The following OSBPL9 variants were observed in gnomAD, a reference collection of about 807,000 sequenced individuals.
OSBPL9 encodes the protein oxysterol-binding protein-related protein 9.
OSBPL9 carries 40 observed loss-of-function variants against 106.6 expected under a neutral mutation model. The observed-to-expected ratio is 0.38, with a 90% CI of 0.29 to 0.49. OSBPL9 has a LOEUF of 0.49. OSBPL9 is among the 20% of genes least tolerant of loss of function. The pLI, the probability that OSBPL9 is intolerant of heterozygous loss-of-function variation, is 0.97. For missense variants in OSBPL9, 609 were observed against 887.2 expected, an observed-to-expected ratio of 0.69 and a Z score of 3.98; for synonymous variants, 269 against 295.4, an observed-to-expected ratio of 0.91 and a Z score of 0.92.
chr1:51,531,395 AATC>A, the OSBPL9 span, among the ~76,000 whole-genome samples: 1 of 152,230 alleles, frequency 6.6e-6, no homozygotes, highest in Non-Finnish European at 1.5e-5. Context: ...TTATTGCAAT[AATC>A]CAGATATGAT....
chr1:51,764,739 C>T (rs907537437), intron 11 of OSBPL9, among the ~76,000 whole-genome samples: 11 of 152,048 alleles, frequency 7.2e-5, no homozygotes, highest in Non-Finnish European at 1.2e-4. Context: ...GCCACCATGC[C>T]CAGCTAATTT....
intron 4 of OSBPL9, among the ~76,000 whole-genome samples, chr1:51,725,306 T>C (rs1662922366): frequency 6.6e-6 from 1 of 152,198 alleles, no homozygotes; most frequent in South Asian, 2.1e-4. Context: ...TCTGTCTTTC[T>C]GCTTACATTG....
intron 4 of OSBPL9, among the ~76,000 whole-genome samples, chr1:51,735,742 A>G (rs1665535146): frequency 6.6e-6 from 1 of 152,252 alleles, no homozygotes; most frequent in African/African-American, 2.4e-5. Context: ...AAGGTCCAGC[A>G]TAGTATGTGT....
the OSBPL9 span, among the ~76,000 whole-genome samples, chr1:51,560,120 G>C: frequency 6.6e-6 from 1 of 152,216 alleles, no homozygotes; most frequent in Non-Finnish European, 1.5e-5. Flanking sequence ...GCTTCAAATA[G>C]AGGGCGTCTG....
chr1:51,765,947 C>T lies in OSBPL9; in HGVS notation c.904C>T (p.His302Tyr). 6.2e-7 allele frequency: 1 copy of T among 1,613,848 alleles called. No individual in the cohort carries two copies. The highest frequency in any genetic ancestry group is 8.5e-7 in the Non-Finnish European group (1 of 1,179,888). Residue 302 changes from histidine (H) to tyrosine (Y), a missense_variant, in exon 12 of 24, where the codon CAT (histidine) becomes TAT (tyrosine). Coordinates refer to ENST00000428468, the MANE Select transcript of OSBPL9 (RefSeq NM_024586.6). ...TGAATTTTATGATGCTGATGAATTC[C>T]ATCAAAGTGGCTCATCCCCAAAGCG... ...EDEFYDADEF[H>Y]QSGSSPKRLI...
chr1:51,531,172 G>A, the OSBPL9 span, among the ~76,000 whole-genome samples: 2 of 152,010 alleles, frequency 1.3e-5, no homozygotes, highest in Admixed American at 6.6e-5. Context: ...CAGCTACTCG[G>A]GAGGCTGAGG....
At chr1:51,754,037 G>A (rs1669824489) in intron 8 of OSBPL9, among the ~76,000 whole-genome samples, 1 of 152,238 alleles carries the variant, frequency 6.6e-6, no homozygotes. Flanking sequence ...CCTTGGTGGA[G>A]ACAGCTGATG....
chr1:51,632,551 A>G (rs1645170690), intron 1 of OSBPL9, among the ~76,000 whole-genome samples: 1 of 117,356 alleles, frequency 8.5e-6, no homozygotes, highest in Non-Finnish European at 1.9e-5. Context: ...TTACATCATT[A>G]TCACAATTAA....
chr1:51,690,071 A>C (rs1654643110), intron 3 of OSBPL9, among the ~76,000 whole-genome samples: 2 of 152,202 alleles, frequency 1.3e-5, no homozygotes, highest in Non-Finnish European at 2.9e-5. Context: ...ATGTATCTTA[A>C]AGATTAAAAA....
chr1:51,648,729 T>C (rs969081318), intron 1 of OSBPL9, among the ~76,000 whole-genome samples: 1 of 152,248 alleles, frequency 6.6e-6, no homozygotes, highest in Admixed American at 6.5e-5. Context: ...ATTTTACATA[T>C]GTAACACTGG....
At chr1:51,528,544 G>A in the OSBPL9 span, among the ~76,000 whole-genome samples, 5 of 149,620 alleles carry the variant, frequency 3.3e-5, no homozygotes, top group East Asian at 2.0e-4. Context: ...ACTCTGTCTC[G>A]GGGAAAAAAA....
At chr1:51,754,778 T>G (rs1669974063) in intron 8 of OSBPL9, among the ~76,000 whole-genome samples, 1 of 152,214 alleles carries the variant, frequency 6.6e-6, no homozygotes, top group African/African-American at 2.4e-5. Flanking sequence ...ATAGTTCATA[T>G]TCTCCCTCTC....
chr1:51,578,624 T>G (rs956698590), intron 1 of OSBPL9, among the ~76,000 whole-genome samples: 6 of 151,350 alleles, frequency 4.0e-5, no homozygotes, highest in Non-Finnish European at 8.8e-5. Flanking sequence ...GATCTGAGAC[T>G]AGAACCCAGT....
chr1:51,744,311 C>T (rs1217961327), intron 4 of OSBPL9, among the ~76,000 whole-genome samples: 2 of 152,098 alleles, frequency 1.3e-5, no homozygotes, highest in Admixed American at 6.5e-5. Context: ...GAGGAGGATG[C>T]CCGTATTTGG....
chr1:51,588,801 A>G (rs1452672302), intron 1 of OSBPL9, among the ~76,000 whole-genome samples: 1 of 152,206 alleles, frequency 6.6e-6, no homozygotes, highest in African/African-American at 2.4e-5. Flanking sequence ...TCTGAAAAGG[A>G]TAATTTCCCA....
At chr1:51,723,529 CT>C (rs1662531252) in intron 4 of OSBPL9, among the ~76,000 whole-genome samples, 1 of 151,952 alleles carries the variant, frequency 6.6e-6, no homozygotes, top group African/African-American at 2.4e-5. Context: ...CCTTCCTCTT[CT>C]TTCCTGTTTC....
At chr1:51,727,146 T>C (rs1273656622) in intron 4 of OSBPL9, among the ~76,000 whole-genome samples, 1 of 150,962 alleles carries the variant, frequency 6.6e-6, no homozygotes, top group Non-Finnish European at 1.5e-5. Context: ...TTTTTTTTTT[T>C]TTTTTTTACT....
intron 1 of OSBPL9, among the ~76,000 whole-genome samples, chr1:51,593,690 T>C (rs1456633699): frequency 6.6e-6 from 1 of 152,228 alleles, no homozygotes; most frequent in Non-Finnish European, 1.5e-5. Context: ...GTAGCACCTC[T>C]ATACCTTGCT....
chr1:51,781,171 G>A lies in OSBPL9; in HGVS notation c.1264G>A (p.Asp422Asn). 1 of 1,613,914 alleles carries A rather than the reference G, an allele frequency of 6.2e-7. No homozygotes were observed. The highest frequency in any genetic ancestry group is 8.5e-7 in the Non-Finnish European group (1 of 1,179,944). The change falls in exon 16 of 24, where the codon GAC (aspartate) becomes AAC (asparagine). Residue 422 changes from aspartate (D) to asparagine (N), a missense_variant. Asp to Asn is a conservative substitution (Grantham distance 23, BLOSUM62 1). Transcript: ENST00000428468. ...AHPDLFVSISDQKDPKDRMVQ... is the reference protein window; with the variant it reads ...AHPDLFVSISNQKDPKDRMVQ... ...TGTCTTTCTCCCTTGCAGCATTAGT[G>A]ACCAGAAGGATCCCAAGGATCGAAT...
Sources: gnomAD v4.1 joint callset for allele counts (sites outside exome capture counted in the v4.1 genomes callset) on GRCh38, gnomAD v4.1.1 for gene constraint, MANE v1.5 for transcripts, NCBI Gene and HGNC (gene_info 2026-07-23, HGNC 2026-07-21) for gene names.